ERMP1: variants seen among roughly 807,000 people sequenced by gnomAD.
ERMP1 encodes endoplasmic reticulum metallopeptidase 1.
ERMP1 carries 86 observed loss-of-function variants against 92.0 expected under a neutral mutation model. That is an observed-to-expected ratio of 0.93 (90% CI 0.79 to 1.12). ERMP1 has a LOEUF of 1.12. ERMP1 is among the 50% of genes most tolerant of loss of function. The probability of loss-of-function intolerance (pLI) is 0.00; values close to 1 mark genes in which losing one functional copy is unlikely to be tolerated. For synonymous variants in ERMP1, 530 were observed against 412.8 expected (o/e 1.28, Z -3.44); for missense variants, 1,342 against 1,116.3 (o/e 1.20, Z -2.88).
intron 6 of ERMP1, among the ~76,000 whole-genome samples, chr9:5,851,695 G>A (rs1455932684): frequency 6.6e-6 from 1 of 152,162 alleles, no homozygotes; most frequent in Non-Finnish European, 1.5e-5. Flanking sequence ...GGCAGCTGGA[G>A]CTACAAAACC....
intron 6 of ERMP1, among the ~76,000 whole-genome samples, chr9:5,853,136 G>A (rs868230432): frequency 1.8e-4 from 27 of 152,322 alleles, no homozygotes; most frequent in South Asian, 1.2e-3. Flanking sequence ...TTAGTAAGGT[G>A]TCTTTATGCC....
chr9:5,810,861 C>T (rs1429975804), intron 7 of ERMP1, among the ~76,000 whole-genome samples: 1 of 152,066 alleles, frequency 6.6e-6, no homozygotes, highest in Non-Finnish European at 1.5e-5. Context: ...TCAATCTGTA[C>T]AAACCATTTT....
chr9:5,822,798 G>C (rs1324958979), intron 4 of ERMP1, among the ~76,000 whole-genome samples: 2 of 152,098 alleles, frequency 1.3e-5, no homozygotes, highest in African/African-American at 2.4e-5. Context: ...TGTTAATAAA[G>C]ACAATTAAAA....
At chr9:5,799,781 A>C (rs373515220) in intron 11 of ERMP1, among the ~76,000 whole-genome samples, 1 of 152,246 alleles carries the variant, frequency 6.6e-6, no homozygotes, top group South Asian at 2.1e-4. Context: ...ACCCCCAAAC[A>C]AATCAGAAAA....
chr9:5,815,558 T>C (rs1252000708), intron 4 of ERMP1, among the ~76,000 whole-genome samples: 1 of 147,782 alleles, frequency 6.8e-6, no homozygotes, highest in Non-Finnish European at 1.5e-5. Context: ...AACTATGACC[T>C]ACAGGCAGAA....
At chr9:5,833,879 G>T (rs923868152), upstream of ERMP1, among the ~76,000 whole-genome samples, 3 of 152,204 alleles carry the variant, frequency 2.0e-5, no homozygotes, top group African/African-American at 7.2e-5. Context: ...AAGCAGCAGA[G>T]CCTTGGTTTC....
At chr9:5,842,166 C>T (rs1442992282) in intron 6 of ERMP1, among the ~76,000 whole-genome samples, 2 of 152,206 alleles carry the variant, frequency 1.3e-5, no homozygotes, top group South Asian at 2.1e-4. Flanking sequence ...CAGCTGCTGG[C>T]TGGGGTGGCC....
intron 13 of ERMP1, among the ~76,000 whole-genome samples, chr9:5,788,180 G>C (rs1563743516): frequency 6.6e-6 from 1 of 152,182 alleles, no homozygotes; most frequent in Non-Finnish European, 1.5e-5. Flanking sequence ...CTTAAAGACA[G>C]AGAATACCCA....
chr9:5,813,229 T>C (rs1364386177), intron 4 of ERMP1, among the ~76,000 whole-genome samples, 194 bp from the exon 5 acceptor site: 2 of 152,196 alleles, frequency 1.3e-5, no homozygotes, highest in African/African-American at 4.8e-5. Flanking sequence ...ATAAAAACCT[T>C]TTGTGAAAAT....
At chr9:5,850,967 C>T (rs1283843441) in intron 6 of ERMP1, among the ~76,000 whole-genome samples, 1 of 152,196 alleles carries the variant, frequency 6.6e-6, no homozygotes, top group African/African-American at 2.4e-5. Context: ...TTACCTCACC[C>T]TCAATTCAAT....
At chr9:5,845,869 G>T (rs1830228106) in intron 6 of ERMP1, among the ~76,000 whole-genome samples, 1 of 152,198 alleles carries the variant, frequency 6.6e-6, no homozygotes, top group African/African-American at 2.4e-5. Flanking sequence ...GTAAGGGGAA[G>T]TTCCAGGAGG....
intron 6 of ERMP1, among the ~76,000 whole-genome samples, chr9:5,852,216 G>A (rs760937728): frequency 2.6e-5 from 4 of 151,646 alleles, no homozygotes; most frequent in African/African-American, 4.8e-5. Context: ...ATTCACTTTA[G>A]ATGTTGTTAT....
upstream of ERMP1, among the ~76,000 whole-genome samples, chr9:5,836,033 T>A (rs1830092729): frequency 1.3e-5 from 2 of 152,254 alleles, no homozygotes; most frequent in Admixed American, 1.3e-4. Flanking sequence ...TCAACTCATC[T>A]GACTTGGCAG....
chr9:5,860,252 C>A (rs1026368056), intron 5 of ERMP1, among the ~76,000 whole-genome samples: 1 of 150,468 alleles, frequency 6.6e-6, no homozygotes, highest in Non-Finnish European at 1.5e-5. Flanking sequence ...TTGCAGTAAG[C>A]TGTAATTGTG....
chr9:5,862,848 G>A (rs1830544547), intron 5 of ERMP1, among the ~76,000 whole-genome samples: 1 of 152,154 alleles, frequency 6.6e-6, no homozygotes, highest in African/African-American at 2.4e-5. Context: ...ACTTGTCCCA[G>A]GAGCCCCAAC....
intron 2 of ERMP1, among the ~76,000 whole-genome samples, chr9:5,828,641 C>A (rs1336276476): frequency 1.3e-5 from 2 of 152,176 alleles, no homozygotes; most frequent in African/African-American, 4.8e-5. Context: ...TAAGCCACCT[C>A]TTTGAGATGT....
chr9:5,835,992 C>T (rs1251687755), upstream of ERMP1, among the ~76,000 whole-genome samples: 6 of 152,180 alleles, frequency 3.9e-5, no homozygotes. Context: ...GTGGCTGCCC[C>T]GTCTGGTGAG....
chr9:5,799,542 C>A lies in ERMP1; in HGVS notation c.2068-534G>T, dbSNP rs544846639. Reference sequence around the variant, plus strand: ...CAGGAAAAAAACAAACAAAAAAAAACACTGCATAGGGCAGGAGCCGGCAAA... The same window carrying A: ...CAGGAAAAAAACAAACAAAAAAAAAAACTGCATAGGGCAGGAGCCGGCAAA... On this transcript the variant is annotated intron_variant, in intron 11 of 14. Transcript: ENST00000339450. Among the ~76,000 whole-genome samples, 4 of 151,972 alleles carry A rather than the reference C, an allele frequency of 2.6e-5. No homozygotes were observed. In the South Asian group the frequency reaches 8.3e-4, roughly 32 times the overall value.
In ERMP1 at chr9:5,831,108, C is replaced by T. The variant is rs537592987; in HGVS notation, c.339-80G>A. 4 of 1,094,502 alleles carry T rather than the reference C, an allele frequency of 3.7e-6. No homozygotes were observed. In the South Asian group the frequency reaches 6.2e-5, roughly 17 times the overall value. The allele number at this position is 1,094,502 out of a possible 1,614,324, so 67.8% of individuals were successfully genotyped here. ...TGGGTAACTTTTCCACTACACACCC[C>T]TTCCTCCCCAAAAAAGCTTAGTTCT... is the stretch of plus-strand genomic sequence containing the variant. On this transcript the variant is annotated intron_variant, in intron 1 of 14. Transcript: ENST00000339450.
Sources: gnomAD v4.1 joint callset for allele counts (sites outside exome capture counted in the v4.1 genomes callset) on GRCh38, gnomAD v4.1.1 for gene constraint, MANE v1.5 for transcripts, NCBI Gene and HGNC (gene_info 2026-07-23, HGNC 2026-07-21) for gene names.